FBXL7: variants seen among roughly 807,000 people sequenced by gnomAD.
FBXL7 encodes the protein F-box and leucine rich repeat protein 7, also known as F-box/LRR-repeat protein 7.
A neutral mutation model predicts 38.3 loss-of-function variants in FBXL7; 12 were observed. That is an observed-to-expected ratio of 0.31 (90% CI 0.20 to 0.51). The LOEUF is 0.51. Among genes scored for constraint, FBXL7 ranks in the 20% least tolerant of loss-of-function variants. The pLI is 0.98. For missense variants in FBXL7, 567 were observed against 676.4 expected (o/e 0.84, Z 1.79); for synonymous variants, 297 against 300.9 (o/e 0.99, Z 0.13).
chr5:15,567,644 G>A (rs961432227), intron 1 of FBXL7, among the ~76,000 whole-genome samples: 15 of 151,734 alleles, frequency 9.9e-5, no homozygotes, highest in Non-Finnish European at 1.0e-4. Context: ...TGTGGACAAC[G>A]TGTGGGTTAG....
rs554155371 is a variant in FBXL7 at position 15,939,685 on chromosome 5, T to G, written c.*2499T>G. 1 of 152,790 alleles carries G rather than the reference T, an allele frequency of 6.5e-6. No homozygotes were observed. Among genetic ancestry groups the G allele is most frequent in the South Asian group, 2.1e-4 (1 of 4,830 alleles). The allele number at this position is 152,790 out of a possible 1,614,324, so 9.5% of individuals were successfully genotyped here. On this transcript the variant is annotated 3_prime_UTR_variant, in exon 4 of 4. Transcript: ENST00000504595. The stretch of plus-strand genomic sequence containing the variant: ...TTCCTGGCTCTGCTAAATTGAATGC[T>G]CATTGTTTGTTGTTGTTGTTTTTTA...
chr5:15,836,542 G>T (rs182864040), intron 2 of FBXL7, among the ~76,000 whole-genome samples: 1 of 152,126 alleles, frequency 6.6e-6, no homozygotes, highest in African/African-American at 2.4e-5. Context: ...GGAGTGAGCC[G>T]TGTAGATATT....
intron 2 of FBXL7, among the ~76,000 whole-genome samples, chr5:15,726,382 A>G (rs1744353683): frequency 6.6e-6 from 1 of 152,066 alleles, no homozygotes; most frequent in Non-Finnish European, 1.5e-5. Flanking sequence ...AGTACCTGTG[A>G]GTAGCCACTA....
chr5:15,720,397 G>C (rs1023795277), intron 2 of FBXL7, among the ~76,000 whole-genome samples: 4 of 148,130 alleles, frequency 2.7e-5, no homozygotes, highest in African/African-American at 9.9e-5. Context: ...TATTTATCTT[G>C]GATGACTGAG....
chr5:15,715,384 G>C (rs1177667943), intron 2 of FBXL7, among the ~76,000 whole-genome samples: 2 of 151,758 alleles, frequency 1.3e-5, no homozygotes, highest in African/African-American at 2.4e-5. Context: ...CCAGCTACTC[G>C]GGAGGCTGAG....
At chr5:15,769,431 G>T (rs1211511390) in intron 2 of FBXL7, among the ~76,000 whole-genome samples, 1 of 152,118 alleles carries the variant, frequency 6.6e-6, no homozygotes, top group East Asian at 1.9e-4. Context: ...TAATCCATGC[G>T]CTACTCATCT....
intron 2 of FBXL7, among the ~76,000 whole-genome samples, chr5:15,904,700 A>G (rs1741313156): frequency 1.3e-5 from 2 of 152,100 alleles, no homozygotes; most frequent in African/African-American, 2.4e-5. Context: ...TTTCATATAT[A>G]TTTGGCTGTA....
intron 2 of FBXL7, among the ~76,000 whole-genome samples, chr5:15,679,490 T>C (rs563484068): frequency 3.9e-5 from 6 of 152,230 alleles, no homozygotes; most frequent in African/African-American, 1.4e-4. Context: ...TCCTGGTGAC[T>C]TTGCTGAGAG....
At chr5:15,830,852 C>T (rs1738438915) in intron 2 of FBXL7, among the ~76,000 whole-genome samples, 1 of 152,114 alleles carries the variant, frequency 6.6e-6, no homozygotes, top group Admixed American at 6.5e-5. Flanking sequence ...AGCACTCAGG[C>T]TCAACTCCAA....
chr5:15,928,042 A>ACCCCCCCCCCCCCCCCCCCCCCCCCCCC lies in FBXL7; in HGVS notation c.283_284insCCCCCCCCCCCCCCCCCCCCCCCCCCCC (p.Arg95ProfsTer147). The ACCCCCCCCCCCCCCCCCCCCCCCCCCCC allele has an allele frequency of 2.6e-6, 1 of 386,350 alleles. No homozygotes were observed. The highest frequency in any genetic ancestry group is 2.2e-5 in the South Asian group (1 of 45,924). The allele number at this position is 386,350 out of a possible 1,614,324, so 23.9% of individuals were successfully genotyped here. On this transcript the variant is annotated frameshift_variant, in exon 3 of 4. Coordinates refer to ENST00000504595, the MANE Select transcript of FBXL7 (RefSeq NM_012304.5). LOFTEE classifies it high-confidence loss of function. The surrounding 1 kb of genome is among the most constrained non-coding windows in gnomAD (Gnocchi z 4.0). ...GGCCATGGTGCACTCCCCGCCCCCG[A>ACCCCCCCCCCCCCCCCCCCCCCCCCCCC]CCCGCCTCACACACCCGCTCATCCG...
intron 2 of FBXL7, among the ~76,000 whole-genome samples, chr5:15,817,431 T>C (rs1009605789): frequency 6.6e-6 from 1 of 152,106 alleles, no homozygotes; most frequent in East Asian, 1.9e-4. Flanking sequence ...ACAGTGATGA[T>C]CAAATAGGTG....
intron 2 of FBXL7, among the ~76,000 whole-genome samples, chr5:15,803,357 A>G (rs1220124119): frequency 1.3e-5 from 2 of 152,290 alleles, no homozygotes; most frequent in African/African-American, 4.8e-5. Flanking sequence ...ACATGCATTT[A>G]AAAATCAAAA....
intron 2 of FBXL7, among the ~76,000 whole-genome samples, chr5:15,849,746 T>TGTTTGTTTTTAACTTCTTGA (rs1184110508): frequency 1.3e-5 from 2 of 152,238 alleles, no homozygotes; most frequent in East Asian, 3.8e-4. Flanking sequence ...CAAATTTTCA[T>TGTTTGTTTTTAACTTCTTGA]GTTTGTTTTT....
At chr5:15,516,099 T>C (rs141056216) in intron 1 of FBXL7, among the ~76,000 whole-genome samples, 173 of 152,338 alleles carry the variant, frequency 1.1e-3, no homozygotes, top group South Asian at 5.6e-3. Flanking sequence ...CAAAATTCTT[T>C]TTTTTTGATA....
intron 1 of FBXL7, among the ~76,000 whole-genome samples, chr5:15,503,302 T>C (rs1736550896): frequency 6.6e-6 from 1 of 152,102 alleles, no homozygotes; most frequent in Admixed American, 6.5e-5. Flanking sequence ...ATGCCTGTAA[T>C]CCTACCTACC....
At position 15,781,384 on chromosome 5, in the gene FBXL7, A is replaced by T. The variant is rs115746327; in HGVS notation, c.128-146506A>T. ...GTTTAACCATCCCCACCCCCAAGAA[A>T]AAAAGGTCTAAGTACATTGGGAGGA... On this transcript the variant is annotated intron_variant, in intron 2 of 3. Transcript: ENST00000504595. Among the ~76,000 whole-genome samples the T allele has an allele frequency of 3.9e-3, 600 of 152,120 alleles. 1 individual carries two copies. Among genetic ancestry groups the T allele is most frequent in the African/African-American group, 0.014 (565 of 41,512 alleles).
chr5:15,909,424 G>T (rs1279323292), intron 2 of FBXL7, among the ~76,000 whole-genome samples: 1 of 24,374 alleles, frequency 4.1e-5, no homozygotes, highest in Admixed American at 2.4e-4. Context: ...TTCTTTATTA[G>T]TCTTGCTAGC....
rs73072013 is a variant in FBXL7, at chr5:15,760,644, A to T, written c.127+144572A>T. Among the ~76,000 whole-genome samples the T allele has an allele frequency of 3.9e-3, 598 of 152,240 alleles. 5 individuals carry two copies. Among genetic ancestry groups the T allele is most frequent in the African/African-American group, 0.014 (574 of 41,550 alleles). On this transcript the variant is annotated intron_variant, in intron 2 of 3. Coordinates refer to ENST00000504595, the MANE Select transcript of FBXL7 (RefSeq NM_012304.5). The stretch of plus-strand genomic sequence containing the variant: ...AGGGATGAAGCCTTCTGGACCCAGG[A>T]ACATCTTTGCAGTACAAAGATGCCA...
intron 2 of FBXL7, among the ~76,000 whole-genome samples, chr5:15,889,189 C>G (rs1224510616): frequency 2.6e-5 from 4 of 152,118 alleles, no homozygotes; most frequent in Non-Finnish European, 5.9e-5. Flanking sequence ...CTTACCAATG[C>G]CTGGCCACAA....
Sources: allele counts gnomAD v4.1 joint callset (sites outside exome capture counted in the v4.1 genomes callset), GRCh38; gene constraint gnomAD v4.1.1; non-coding constraint Gnocchi (gnomAD v3.1); transcripts MANE v1.5; gene names NCBI Gene and HGNC (gene_info 2026-07-23, HGNC 2026-07-21).